Variants in SPRED2 observed in about 807,000 individuals in gnomAD.
SPRED2 encodes the protein sprouty related EVH1 domain containing 2, also known as sprouty-related, EVH1 domain-containing protein 2.
A neutral mutation model predicts 43.0 loss-of-function variants in SPRED2; 47 were observed. That is an observed-to-expected ratio of 1.09 (90% CI 0.87 to 1.40). SPRED2 has a LOEUF of 1.40. SPRED2 is among the 40% of genes most tolerant of loss of function. The probability of loss-of-function intolerance (pLI) is 0.00; values close to 1 mark genes in which losing one functional copy is unlikely to be tolerated. For synonymous variants in SPRED2, 225 were observed against 225.7 expected (o/e 1.00, Z 0.03); for missense variants, 561 against 586.4 (o/e 0.96, Z 0.45).
chr2:65,326,814 A>G (rs1346708535), intron 4 of SPRED2, among the ~76,000 whole-genome samples: 2 of 151,940 alleles, frequency 1.3e-5, no homozygotes, highest in Non-Finnish European at 2.9e-5. Flanking sequence ...AACAAAAACA[A>G]TTTTGTGAAA....
chr2:65,386,295 A>AG (rs1675499987), intron 1 of SPRED2, among the ~76,000 whole-genome samples: 1 of 148,044 alleles, frequency 6.8e-6, no homozygotes, highest in African/African-American at 2.5e-5. Context: ...CAAAAAAAAA[A>AG]AAAAAAAAAG....
chr2:65,325,074 G>T (rs1408326495), intron 4 of SPRED2, among the ~76,000 whole-genome samples: 1 of 152,160 alleles, frequency 6.6e-6, no homozygotes, highest in African/African-American at 2.4e-5. Flanking sequence ...TCTCAAGTAG[G>T]ATGCTCCCAT....
chr2:65,354,166 C>T (rs11684155), intron 1 of SPRED2, among the ~76,000 whole-genome samples: 48,634 of 152,132 alleles, frequency 0.32, 9,655 homozygotes, highest in East Asian at 0.78. Flanking sequence ...TGACATCCCC[C>T]GAGCCTGGGA....
chr2:65,376,564 A>T (rs1270424277), intron 1 of SPRED2, among the ~76,000 whole-genome samples: 1 of 152,186 alleles, frequency 6.6e-6, no homozygotes, highest in African/African-American at 2.4e-5. Flanking sequence ...CCAACATGCC[A>T]GTGGTACCCA....
intron 1 of SPRED2, among the ~76,000 whole-genome samples, chr2:65,375,888 G>C (rs958309416): frequency 3.3e-5 from 5 of 152,192 alleles, no homozygotes; most frequent in Admixed American, 2.6e-4. Context: ...AGAATGTGTG[G>C]AGTGTGAAGA....
chr2:65,324,592 C>A (rs188918755), intron 4 of SPRED2, among the ~76,000 whole-genome samples: 35 of 152,248 alleles, frequency 2.3e-4, no homozygotes, highest in African/African-American at 8.2e-4. Flanking sequence ...TATGGAGGGA[C>A]CTTGAGTTTA....
intron 3 of SPRED2, chr2:65,334,150 G>A (rs1572846359): frequency 4.3e-6 from 2 of 470,586 alleles, no homozygotes; most frequent in Non-Finnish European, 8.8e-6. Flanking sequence ...CAGGGCTCCA[G>A]AGGTCACAGA....
chr2:65,352,992 G>A (rs1674553958), intron 1 of SPRED2, among the ~76,000 whole-genome samples: 1 of 152,180 alleles, frequency 6.6e-6, no homozygotes, highest in East Asian at 1.9e-4. Flanking sequence ...TATGGAATGA[G>A]TTTTAGGAAT....
chr2:65,326,051 G>T (rs1476126563), intron 4 of SPRED2, among the ~76,000 whole-genome samples: 1 of 151,978 alleles, frequency 6.6e-6, no homozygotes, highest in African/African-American at 2.4e-5. Context: ...TGCAGATGCT[G>T]CTGCTATTTT....
chr2:65,392,230 A>G (rs1372669675), intron 1 of SPRED2, among the ~76,000 whole-genome samples: 1 of 129,946 alleles, frequency 7.7e-6, no homozygotes, highest in African/African-American at 3.0e-5. Flanking sequence ...CCTACACTGG[A>G]GTGCAGTGGT....
At chr2:65,431,271 A>G (rs915005171) in intron 1 of SPRED2, among the ~76,000 whole-genome samples, 11 of 151,272 alleles carry the variant, frequency 7.3e-5, no homozygotes, top group African/African-American at 2.7e-4. Flanking sequence ...CCCGCCGCAC[A>G]CGCCTCGGTC....
At chr2:65,388,148 G>A (rs1269285974) in intron 1 of SPRED2, among the ~76,000 whole-genome samples, 2 of 152,200 alleles carry the variant, frequency 1.3e-5, no homozygotes, top group Admixed American at 1.3e-4. Context: ...TTCAGCTTCA[G>A]CACATCACAC....
chr2:65,334,337 C>A, intron 3 of SPRED2: 1 of 557,714 alleles, frequency 1.8e-6, no homozygotes, highest in African/African-American at 1.9e-5. Flanking sequence ...AAAATACATG[C>A]ACATGGAAAT....
intron 4 of SPRED2, among the ~76,000 whole-genome samples, chr2:65,327,052 A>G (rs906666066): frequency 6.6e-6 from 1 of 150,876 alleles, no homozygotes; most frequent in African/African-American, 2.4e-5. Context: ...GGGTCTCTGT[A>G]TGTTGCCCAG....
intron 1 of SPRED2, among the ~76,000 whole-genome samples, chr2:65,401,943 A>G (rs200574108): frequency 0.27 from 29,907 of 112,732 alleles, 3,713 homozygotes; most frequent in East Asian, 0.64. Context: ...GCGCGCACAC[A>G]CACACACACA....
intron 1 of SPRED2, among the ~76,000 whole-genome samples, chr2:65,398,449 G>A (rs940437094): frequency 2.6e-5 from 4 of 152,034 alleles, no homozygotes; most frequent in Non-Finnish European, 5.9e-5. Context: ...CAGACAACCC[G>A]CAGAGTGGGA....
chr2:65,367,290 T>C lies in SPRED2; in HGVS notation c.27-22394A>G, dbSNP rs565500072. On this transcript the variant is annotated intron_variant, in intron 1 of 5. Coordinates refer to ENST00000356388, the MANE Select transcript of SPRED2 (RefSeq NM_181784.3). ...ATGTTGAAGTATGTTAGGGGTAAAA[T>C]GATATGATATCTGGGGTTTGTTGTG... 1.2e-4 allele frequency among the ~76,000 whole-genome samples: 19 copies of C among 152,318 alleles called. No individual in the cohort carries two copies. The South Asian group carries it at 3.5e-3, about 28-fold the overall frequency.
chr2:65,430,085 C>T (rs1676642835), intron 1 of SPRED2, among the ~76,000 whole-genome samples: 1 of 152,226 alleles, frequency 6.6e-6, no homozygotes, highest in African/African-American at 2.4e-5. Flanking sequence ...ACCAGCCTCA[C>T]TGCTACTACT....
At chr2:65,316,948 C>A in intron 4 of SPRED2, 65 bp from the exon 5 acceptor site, 1 of 1,526,138 alleles carries the variant, frequency 6.6e-7, no homozygotes, top group Non-Finnish European at 9.0e-7. Flanking sequence ...CGCAGCAAAC[C>A]CTGACATGCA....
Sources: gnomAD v4.1 joint callset for allele counts (sites outside exome capture counted in the v4.1 genomes callset) on GRCh38, gnomAD v4.1.1 for gene constraint, MANE v1.5 for transcripts, NCBI Gene and HGNC (gene_info 2026-07-23, HGNC 2026-07-21) for gene names.